Variants in NCKAP5 observed in about 807,000 individuals in gnomAD.
NCKAP5 encodes NCK associated protein 5.
NCKAP5 carries 92 observed loss-of-function variants against 167.0 expected under a neutral mutation model. That is an observed-to-expected ratio of 0.55 (90% CI 0.47 to 0.66). The LOEUF is 0.66. NCKAP5 is among the 30% of genes least tolerant of loss of function. The pLI, the probability that NCKAP5 is intolerant of heterozygous loss-of-function variation, is 0.00. For missense variants in NCKAP5, 2,378 were observed against 2,315.0 expected, an observed-to-expected ratio of 1.03 and a Z score of -0.56; for synonymous variants, 891 against 877.4, an observed-to-expected ratio of 1.02 and a Z score of -0.27.
chr2:132,976,071 T>C (rs2076968871), intron 7 of NCKAP5, among the ~76,000 whole-genome samples: 1 of 152,188 alleles, frequency 6.6e-6, no homozygotes, highest in Non-Finnish European at 1.5e-5. Context: ...TTTCTACCCA[T>C]TTTGTCACAA....
intron 3 of NCKAP5, among the ~76,000 whole-genome samples, chr2:133,327,831 C>T (rs1165599627): frequency 1.3e-5 from 2 of 152,072 alleles, no homozygotes; most frequent in Non-Finnish European, 2.9e-5. Context: ...TAGACCAGTG[C>T]TTCTCAGTGG....
At chr2:132,901,576 G>A (rs919247705) in intron 8 of NCKAP5, among the ~76,000 whole-genome samples, 21 of 152,086 alleles carry the variant, frequency 1.4e-4, no homozygotes, top group African/African-American at 4.6e-4. Flanking sequence ...GGGTGGAAAC[G>A]CATTAAGTAA....
chr2:132,967,023 T>A (rs569737616), intron 7 of NCKAP5, among the ~76,000 whole-genome samples: 1 of 152,302 alleles, frequency 6.6e-6, no homozygotes, highest in South Asian at 2.1e-4. Context: ...GGGTGACTAA[T>A]TTTTCACCAT....
chr2:132,792,164 T>C (rs1684128551), intron 12 of NCKAP5, among the ~76,000 whole-genome samples: 1 of 152,226 alleles, frequency 6.6e-6, no homozygotes, highest in South Asian at 2.1e-4. Context: ...GCATCTGCCT[T>C]ACTATCAATA....
intron 12 of NCKAP5, among the ~76,000 whole-genome samples, chr2:132,792,078 G>C (rs1009899217): frequency 1.4e-5 from 2 of 141,388 alleles, no homozygotes; most frequent in Non-Finnish European, 3.2e-5. Flanking sequence ...TTCAGATGGA[G>C]TTTCACTCTT....
chr2:133,140,548 C>T (rs1036158352), intron 5 of NCKAP5, among the ~76,000 whole-genome samples: 3 of 152,052 alleles, frequency 2.0e-5, no homozygotes, highest in Non-Finnish European at 4.4e-5. Context: ...TGAACTTCAG[C>T]TATATTTACT....
the NCKAP5 span, among the ~76,000 whole-genome samples, chr2:133,587,622 C>A: frequency 6.6e-6 from 1 of 152,184 alleles, no homozygotes; most frequent in Non-Finnish European, 1.5e-5. Flanking sequence ...ATGTGGACAA[C>A]ATCAATAAAG....
intron 3 of NCKAP5, among the ~76,000 whole-genome samples, chr2:133,467,490 G>T (rs1692691884): frequency 1.3e-5 from 2 of 151,552 alleles, no homozygotes; most frequent in African/African-American, 4.8e-5. Flanking sequence ...TTGTGTCTCT[G>T]CCTGGCTTTG....
chr2:133,112,182 T>C (rs1328545114), intron 6 of NCKAP5, among the ~76,000 whole-genome samples: 1 of 152,118 alleles, frequency 6.6e-6, no homozygotes, highest in Non-Finnish European at 1.5e-5. Context: ...ATCTTTAAAA[T>C]AGGTATGCTA....
chr2:133,012,249 T>C lies in NCKAP5; in HGVS notation c.342-18010A>G, dbSNP rs116117449. ...CCCTGATCACTATACTTACAGTGGT[T>C]TATTATTTTATTTGTTGAGACAGAG... is the stretch of plus-strand genomic sequence containing the variant. On this transcript the variant is annotated intron_variant, in intron 6 of 19. Transcript: ENST00000409261. Among the ~76,000 whole-genome samples the C allele has an allele frequency of 9.9e-3, 1,508 of 152,092 alleles. 21 individuals are homozygous for C. The highest frequency in any genetic ancestry group is 0.035 in the African/African-American group (1,443 of 41,494).
intron 3 of NCKAP5, among the ~76,000 whole-genome samples, chr2:133,403,220 T>C (rs567969204): frequency 1.6e-4 from 24 of 152,236 alleles, no homozygotes; most frequent in Non-Finnish European, 2.8e-4. Context: ...CTAGGTTCAC[T>C]AGGATTGAGG....
chr2:133,526,981 A>G (rs1288731959), intron 2 of NCKAP5: 2 of 152,198 alleles, frequency 1.3e-5, no homozygotes, highest in East Asian at 1.9e-4. Flanking sequence ...GAAAAATTCC[A>G]CTGCCAAAAG....
At chr2:132,950,597 G>T (rs1361315449) in intron 8 of NCKAP5, among the ~76,000 whole-genome samples, 1 of 152,160 alleles carries the variant, frequency 6.6e-6, no homozygotes, top group Non-Finnish European at 1.5e-5. Flanking sequence ...AAGGCTGTTT[G>T]TTTTCTTATT....
intron 4 of NCKAP5, among the ~76,000 whole-genome samples, chr2:133,252,377 T>A (rs1249427996): frequency 6.6e-6 from 1 of 152,202 alleles, no homozygotes; most frequent in Non-Finnish European, 1.5e-5. Context: ...AAGAGATGAC[T>A]TGAACTTCCA....
chr2:133,581,443 GTTTGGGAATGCA>G, the NCKAP5 span, among the ~76,000 whole-genome samples: 3 of 152,194 alleles, frequency 2.0e-5, no homozygotes, highest in Non-Finnish European at 4.4e-5. Context: ...CCAGGTGTCA[GTTTGGGAATGCA>G]TTTTCACAGG....
chr2:133,119,841 ATATT>A (rs2082196979), intron 6 of NCKAP5, among the ~76,000 whole-genome samples: 1 of 151,516 alleles, frequency 6.6e-6, no homozygotes, highest in African/African-American at 2.4e-5. Context: ...CTTCAATATA[ATATT>A]TATTATTATT....
chr2:133,398,360 C>A (rs1017572461), intron 3 of NCKAP5, among the ~76,000 whole-genome samples: 1 of 152,150 alleles, frequency 6.6e-6, no homozygotes, highest in East Asian at 1.9e-4. Flanking sequence ...TACAGCAAAC[C>A]ACCATGGCAC....
chr2:133,512,634 C>A (rs150944885), intron 3 of NCKAP5, among the ~76,000 whole-genome samples: 1 of 152,216 alleles, frequency 6.6e-6, no homozygotes, highest in East Asian at 1.9e-4. Flanking sequence ...TTCAGAATTA[C>A]ATCTAGTCAC....
chr2:133,137,845 C>T (rs191588064), intron 5 of NCKAP5, among the ~76,000 whole-genome samples: 283 of 152,320 alleles, frequency 1.9e-3, no homozygotes, highest in African/African-American at 6.6e-3. Context: ...CAGAGGGGTG[C>T]CTCCTTGGCC....
Sources: allele counts gnomAD v4.1 joint callset (sites outside exome capture counted in the v4.1 genomes callset), GRCh38; gene constraint gnomAD v4.1.1; transcripts MANE v1.5; gene names NCBI Gene and HGNC (gene_info 2026-07-23, HGNC 2026-07-21).